Variants in IFT80 observed in about 807,000 individuals in gnomAD.
IFT80 encodes the protein intraflagellar transport protein 80 homolog.
A neutral mutation model predicts 107.9 loss-of-function variants in IFT80; 79 were observed. That is an observed-to-expected ratio of 0.73 (90% confidence interval 0.61 to 0.88). The LOEUF (loss-of-function observed/expected upper bound fraction) is 0.88. IFT80 is among the 40% of genes least tolerant of loss of function. The pLI, the probability that IFT80 is intolerant of heterozygous loss-of-function variation, is 0.00. For missense variants in IFT80, 797 were observed against 914.2 expected, an observed-to-expected ratio of 0.87 and a Z score of 1.65; for synonymous variants, 299 against 300.9, an observed-to-expected ratio of 0.99 and a Z score of 0.07.
At chr3:160,308,228 T>C (rs1364869028) in intron 9 of IFT80, among the ~76,000 whole-genome samples, 2 of 152,010 alleles carry the variant, frequency 1.3e-5, no homozygotes, top group Non-Finnish European at 2.9e-5. Flanking sequence ...GCTTTAAAAA[T>C]CAAAAGTGGG....
intron 8 of IFT80, among the ~76,000 whole-genome samples, chr3:160,350,544 C>T (rs903270784): frequency 2.0e-5 from 3 of 151,782 alleles, no homozygotes; most frequent in Non-Finnish European, 2.9e-5. Flanking sequence ...AGGCAGGACA[C>T]GGTGGCTCAT....
At chr3:160,350,143 G>A (rs561536104) in intron 8 of IFT80, among the ~76,000 whole-genome samples, 4 of 152,122 alleles carry the variant, frequency 2.6e-5, no homozygotes, top group Admixed American at 6.5e-5. Context: ...GGCCGGGCAT[G>A]GTGGCTCATG....
At chr3:160,303,810 C>T in intron 11 of IFT80, 105 bp downstream of exon 11, 3 of 715,956 alleles carry the variant, frequency 4.2e-6, no homozygotes, top group Non-Finnish European at 7.6e-6. Flanking sequence ...CAGATTGGTT[C>T]TAAATGACTA....
At chr3:160,368,541 A>T (rs939087617) in intron 5 of IFT80, among the ~76,000 whole-genome samples, 1 of 151,926 alleles carries the variant, frequency 6.6e-6, no homozygotes, top group African/African-American at 2.4e-5. Flanking sequence ...GTACTTGATG[A>T]GTATATTTTC....
At position 160,258,422 on chromosome 3, in the gene IFT80, G is replaced by A. The variant is rs961601008; in HGVS notation, c.*103C>T. 13 of 1,399,462 alleles carry A rather than the reference G, an allele frequency of 9.3e-6. No homozygotes were observed. The highest frequency in any genetic ancestry group is 7.1e-5 in the South Asian group (6 of 84,030). 86.7% of individuals were successfully genotyped at this position (1,399,462 alleles called of 1,614,324 possible). On this transcript the variant is annotated 3_prime_UTR_variant, in exon 20 of 20. Transcript: ENST00000326448. ...AAATACACAGCAAGTACTTATACTC[G>A]GTTAAAGATTATGCTTTTTTCTTTA...
At chr3:160,314,082 C>G (rs907079846) in intron 9 of IFT80, among the ~76,000 whole-genome samples, 4 of 152,122 alleles carry the variant, frequency 2.6e-5, no homozygotes, top group Non-Finnish European at 4.4e-5. Flanking sequence ...CTCATTTAAT[C>G]CTATAGCTAT....
At position 160,258,328 on chromosome 3, in the gene IFT80, TA is replaced by T; in HGVS notation, c.*196del. On this transcript the variant is annotated 3_prime_UTR_variant, in exon 20 of 20. Transcript: ENST00000326448. ...AGTAATATTTTGCTAATTATTGGAC[TA>T]AAAAATATAAAAGATAGAAATACAT... 5 of 691,560 alleles carry T rather than the reference TA, an allele frequency of 7.2e-6. No individual in the cohort carries two copies. The highest frequency in any genetic ancestry group is 9.5e-6 in the Non-Finnish European group (4 of 421,664). The allele number at this position is 691,560 out of a possible 1,614,324, so 42.8% of individuals were successfully genotyped here.
intron 6 of IFT80, among the ~76,000 whole-genome samples, chr3:160,358,462 A>T (rs1338644433): frequency 6.6e-6 from 1 of 152,158 alleles, no homozygotes; most frequent in African/African-American, 2.4e-5. Flanking sequence ...CTTCTGCTGT[A>T]TTTACCATGT....
chr3:160,377,782 GA>G (rs1258442259), intron 3 of IFT80: 1 of 301,884 alleles, frequency 3.3e-6, no homozygotes, highest in Non-Finnish European at 6.1e-6. Context: ...TCATAACAGG[GA>G]AAAACCCAAA....
chr3:160,334,465 G>C (rs966296589), intron 8 of IFT80, among the ~76,000 whole-genome samples: 1 of 147,414 alleles, frequency 6.8e-6, no homozygotes, highest in Non-Finnish European at 1.5e-5. Context: ...TGCTCAGGCT[G>C]GAGTGCAGTG....
At chr3:160,314,185 C>T (rs1319351902) in intron 9 of IFT80, among the ~76,000 whole-genome samples, 1 of 152,016 alleles carries the variant, frequency 6.6e-6, no homozygotes, top group Non-Finnish European at 1.5e-5. Flanking sequence ...CTTATTTTTA[C>T]AAGACATAAA....
intron 13 of IFT80, among the ~76,000 whole-genome samples, chr3:160,282,912 G>A (rs898520531): frequency 6.6e-6 from 1 of 152,050 alleles, no homozygotes; most frequent in Non-Finnish European, 1.5e-5. Flanking sequence ...CCTACCTTTC[G>A]TAGTCAAGGT....
chr3:160,337,856 C>A (rs985144313), intron 8 of IFT80, among the ~76,000 whole-genome samples: 8 of 152,084 alleles, frequency 5.3e-5, no homozygotes, highest in Non-Finnish European at 1.0e-4. Flanking sequence ...AAGTGTTAGC[C>A]ATCTGGGTCA....
chr3:160,308,770 A>G (rs1386454519), intron 9 of IFT80, among the ~76,000 whole-genome samples: 1 of 152,180 alleles, frequency 6.6e-6, no homozygotes, highest in Non-Finnish European at 1.5e-5. Flanking sequence ...CCATGATCTA[A>G]ATGTTTATGT....
intron 3 of IFT80, among the ~76,000 whole-genome samples, chr3:160,378,239 A>G (rs1173323739): frequency 6.7e-6 from 1 of 149,788 alleles, no homozygotes; most frequent in Non-Finnish European, 1.5e-5. Flanking sequence ...TTTATAGCCT[A>G]TAAAAAAAAA....
intron 9 of IFT80, among the ~76,000 whole-genome samples, chr3:160,318,644 T>C (rs1419193668): frequency 6.6e-6 from 1 of 152,006 alleles, no homozygotes; most frequent in Non-Finnish European, 1.5e-5. Flanking sequence ...TCTCCCCACT[T>C]CCCACTGCCA....
intron 2 of IFT80, among the ~76,000 whole-genome samples, chr3:160,382,788 C>T (rs567229884): frequency 1.3e-5 from 2 of 152,038 alleles, no homozygotes; most frequent in African/African-American, 2.4e-5. Flanking sequence ...GCAGACAATG[C>T]GCCTAATTAT....
chr3:160,298,637 C>T (rs1716174520), intron 12 of IFT80, among the ~76,000 whole-genome samples: 2 of 152,136 alleles, frequency 1.3e-5, no homozygotes, highest in Non-Finnish European at 2.9e-5. Flanking sequence ...ACATATACTG[C>T]CATGCCTTGC....
chr3:160,298,980 G>T, intron 12 of IFT80: 1 of 338,338 alleles, frequency 3.0e-6, no homozygotes, highest in Non-Finnish European at 4.2e-6. Context: ...GTCTGTTGTT[G>T]ACTGAAATGT....
Sources: allele counts gnomAD v4.1 joint callset (sites outside exome capture counted in the v4.1 genomes callset), GRCh38; gene constraint gnomAD v4.1.1; transcripts MANE v1.5; gene names NCBI Gene and HGNC (gene_info 2026-07-23, HGNC 2026-07-21).